The following SHC1 variants were observed in gnomAD, a reference collection of about 807,000 sequenced individuals.
SHC1 encodes the protein SHC adaptor protein 1.
In SHC1, 30 loss-of-function variants were observed where a neutral mutation model predicts 55.9. The ratio of observed to expected loss-of-function variants is 0.54; its 90% CI spans 0.40 to 0.73. SHC1 has a LOEUF of 0.73. SHC1 is among the 30% of genes least tolerant of loss of function. The pLI is 0.00. For synonymous variants in SHC1, 309 were observed against 306.1 expected, an observed-to-expected ratio of 1.01 and a Z score of -0.10; for missense variants, 675 against 777.1, an observed-to-expected ratio of 0.87 and a Z score of 1.56.
chr1:154,965,904 T>G (rs1223169455), intron 10 of SHC1, 42 bp downstream of exon 10: 2 of 1,589,240 alleles, frequency 1.3e-6, no homozygotes, highest in Non-Finnish European at 1.7e-6. Context: ...CAGAACCAAG[T>G]AGAAAGGTGG....
Position 154,964,612 on chromosome 1 carries a change from T to A in SHC1, c.1627-681A>T, listed in dbSNP as rs534046763. ...GATCCTCAGGCCTCAGCCTCCTGGG[T>A]AGGTAGGACTACAGGCATGTGTCAC... On this transcript the variant is annotated intron_variant, in intron 11 of 11. Coordinates refer to ENST00000448116, the MANE Select transcript of SHC1 (RefSeq NM_001130040.2). Among the ~76,000 whole-genome samples the A allele has an allele frequency of 2.0e-4, 30 of 152,124 alleles. No homozygotes were observed. In the South Asian group the frequency reaches 5.4e-3, roughly 27 times the overall value.
rs1042782109 is a variant in SHC1 at position 154,962,649 on chromosome 1, C to G, written c.*1154G>C. 5 of 152,430 alleles carry G rather than the reference C, an allele frequency of 3.3e-5. No individual in the cohort carries two copies. The highest frequency in any genetic ancestry group is 1.2e-4 in the African/African-American group (5 of 41,412). 9.4% of individuals were successfully genotyped at this position (152,430 alleles called of 1,614,324 possible). A position where few individuals can be genotyped will look rare whatever the true frequency, so the allele number is the denominator to read the frequency against. Reference sequence around the variant, plus strand: ...GGTCTCTGGTATAAAAGGTGCGATCCCAGTTACCTCACAGGCCTAGGCGAG... The same window carrying G: ...GGTCTCTGGTATAAAAGGTGCGATCGCAGTTACCTCACAGGCCTAGGCGAG... On this transcript the variant is annotated 3_prime_UTR_variant, in exon 12 of 12. Transcript: ENST00000448116.
chr1:154,967,514 C>G (rs551923702), intron 7 of SHC1, among the ~76,000 whole-genome samples, 157 bp downstream of exon 7: 11 of 152,312 alleles, frequency 7.2e-5, no homozygotes, highest in Admixed American at 5.2e-4. Flanking sequence ...AAAGTCTTTC[C>G]TCCTGGGCCA....
chr1:154,968,213 G>A lies in SHC1; in HGVS notation c.795C>T (p.Gly265=), dbSNP rs1474087585. The change falls in exon 5 of 12, where the codon GGC becomes GGT. Residue 265 remains glycine, a synonymous_variant. Coordinates refer to ENST00000448116, the MANE Select transcript of SHC1 (RefSeq NM_001130040.2). ...CTGTTCCCCAACTCACCGGATCCCC[G>A]CCGGATGCAAATGAGATAGATTGCA... ...HHMQSISFAS[G]GDPDTAEYVA... is the part of the protein sequence containing the mutation. 10 of 1,613,832 alleles carry A rather than the reference G, an allele frequency of 6.2e-6. No individual in the cohort carries two copies. Among genetic ancestry groups the A allele is most frequent in the African/African-American group, 2.7e-5 (2 of 74,864 alleles).
In SHC1 at chr1:154,969,480, G is replaced by T; in HGVS notation, c.496-32C>A. On this transcript the variant is annotated intron_variant, in intron 1 of 11. Coordinates refer to ENST00000448116, the MANE Select transcript of SHC1 (RefSeq NM_001130040.2). ...GGAGGGAGAAGAGGACAGCAGGTCA[G>T]CGGCTCCCCCACCCCAGCCCCTTCA... The T allele has an allele frequency of 2.0e-6, 3 of 1,480,542 alleles. No homozygotes were observed. In the South Asian group the frequency reaches 3.4e-5, roughly 17 times the overall value. 91.7% of individuals were successfully genotyped at this position (1,480,542 alleles called of 1,614,324 possible). A position where few individuals can be genotyped will look rare whatever the true frequency, so the allele number is the denominator to read the frequency against.
At position 154,963,737 on chromosome 1, in the gene SHC1, C is replaced by T; in HGVS notation, c.*66G>A. ...CCACAGAACACTCCCAAACGAGGTC[C>T]CGAGAGTTAGGGAATAGGGTGGAAA... On this transcript the variant is annotated 3_prime_UTR_variant, in exon 12 of 12. Coordinates refer to ENST00000448116, the MANE Select transcript of SHC1 (RefSeq NM_001130040.2). 1.9e-6 allele frequency: 3 copies of T among 1,574,808 alleles called. No homozygotes were observed. The East Asian group carries it at 6.8e-5, about 35-fold the overall frequency.
At chr1:154,968,684 GC>G (rs1656330627) in intron 3 of SHC1, 70 bp from the exon 4 acceptor site, 3 of 1,610,422 alleles carry the variant, frequency 1.9e-6, no homozygotes. Flanking sequence ...TTGCCTCCTG[GC>G]CCTCTCCCCA....
At chr1:154,965,922 G>C in intron 10 of SHC1, 24 bp downstream of exon 10, 1 of 1,598,738 alleles carries the variant, frequency 6.3e-7, no homozygotes, top group Non-Finnish European at 8.5e-7. Flanking sequence ...TGGGGATGCA[G>C]AGAGGAGAGA....
Position 154,966,339 on chromosome 1 carries a change from T to C in SHC1, c.1162A>G (p.Ser388Gly). The change falls in exon 8 of 12, where the codon AGC (serine) becomes GGC (glycine). Residue 388 changes from serine (S) to glycine (G), a missense_variant. This residue lies in a region of SHC1 where 360 missense variants were observed against 371.1 expected (regional missense o/e 0.97). Transcript: ENST00000448116. Reference sequence around the variant, plus strand: ...CTTACCAATGTAGCTCCCAAGTGGCTGGGGGTCTGGGCATTGGGTGCAGTG... The same window carrying C: ...CTTACCAATGTAGCTCCCAAGTGGCCGGGGGTCTGGGCATTGGGTGCAGTG... ...RPTAPNAQTP[S>G]HLGATLPVGQ... 1 of 1,614,002 alleles carries C rather than the reference T, an allele frequency of 6.2e-7. No individual in the cohort carries two copies. Among genetic ancestry groups the C allele is most frequent in the Non-Finnish European group, 8.5e-7 (1 of 1,179,888 alleles).
At position 154,966,226 on chromosome 1, in the gene SHC1, T is replaced by C; in HGVS notation, c.1188A>G (p.Val396=). 1 of 1,614,036 alleles carries C rather than the reference T, an allele frequency of 6.2e-7. No homozygotes were observed. Among genetic ancestry groups the C allele is most frequent in the South Asian group, 1.1e-5 (1 of 91,066 alleles). ...CTGGATCTCCCCCAACAGGCTGTCC[T>C]ACAGGCTGCAGGGATAAAAATAAGG... ...TPSHLGATLP[V]GQPVGGDPEV... Residue 396 remains valine (V), a synonymous_variant, in exon 9 of 12, where the codon GTA becomes GTG. Coordinates refer to ENST00000448116, the MANE Select transcript of SHC1 (RefSeq NM_001130040.2).
upstream of SHC1, chr1:154,970,857 G>A (rs1656672057): frequency 9.4e-6 from 2 of 212,352 alleles, no homozygotes; most frequent in African/African-American, 4.6e-5. The surrounding 1 kb of genome is among the most constrained non-coding windows in gnomAD (Gnocchi z 5.5). Context: ...GGCTCAGAGG[G>A]GCTGAGCCCC....
At chr1:154,969,521 CT>C in intron 1 of SHC1, 73 bp from the exon 2 acceptor site, 1 of 988,190 alleles carries the variant, frequency 1.0e-6, no homozygotes, top group Non-Finnish European at 1.6e-6. Context: ...GGCCCTAGGA[CT>C]TTACCCATAT....
rs1655570587 is a variant in SHC1, at chr1:154,963,800, A to T, written c.*3T>A. The stretch of plus-strand genomic sequence containing the variant: ...ATCTTCTGGAAGAGAGCGCTAGGGC[A>T]GATCACAGTTTCCGCTCCACAGGTT... On this transcript the variant is annotated 3_prime_UTR_variant, in exon 12 of 12. Transcript: ENST00000448116. 1.2e-6 allele frequency: 2 copies of T among 1,613,592 alleles called. No individual in the cohort carries two copies. Among genetic ancestry groups the T allele is most frequent in the African/African-American group, 1.3e-5 (1 of 74,908 alleles).
At chr1:154,969,193 G>C (rs1372943896) in intron 2 of SHC1, among the ~76,000 whole-genome samples, 185 bp downstream of exon 2, 2 of 152,208 alleles carry the variant, frequency 1.3e-5, no homozygotes, top group African/African-American at 4.8e-5. Flanking sequence ...TAGGTAAGGA[G>C]GATCCGGGCC....
chr1:154,972,403 G>A (rs1036449273), upstream of SHC1, among the ~76,000 whole-genome samples: 3 of 152,256 alleles, frequency 2.0e-5, no homozygotes, highest in South Asian at 2.1e-4. Context: ...TCCCCTTAGT[G>A]CTCATTCCAG....
chr1:154,970,366 C>T lies in SHC1; in HGVS notation c.161G>A (p.Ser54Asn). The T allele has an allele frequency of 6.2e-7, 1 of 1,604,558 alleles. No homozygotes were observed. The change falls in exon 1 of 12, where the codon AGT (serine) becomes AAT (asparagine). Residue 54 changes from serine to asparagine, a missense_variant. Coordinates refer to ENST00000448116, the MANE Select transcript of SHC1 (RefSeq NM_001130040.2). The surrounding 1 kb of genome is among the most constrained non-coding windows in gnomAD (Gnocchi z 5.5). ...PILPPLPGDD[S>N]PTTLCSFFPR... ...GAAGAAGGAGCACAGGGTAGTGGGA[C>T]TATCGTCCCCAGGCAGAGGAGGCAG...
upstream of SHC1, among the ~76,000 whole-genome samples, chr1:154,972,487 TAG>T (rs1299567783): frequency 6.6e-6 from 1 of 152,010 alleles, no homozygotes; most frequent in Non-Finnish European, 1.5e-5. Flanking sequence ...CTCTCGGGCA[TAG>T]AGAGAATGAG....
Position 154,966,059 on chromosome 1 carries a change from TC to T in SHC1, c.1273del (p.Asp425IlefsTer10). On this transcript the variant is annotated frameshift_variant, in exon 10 of 12. Coordinates refer to ENST00000448116, the MANE Select transcript of SHC1 (RefSeq NM_001130040.2). LOFTEE classifies it high-confidence loss of function. ...PCPAGRELFD[D>X]PSYVNVQNLD... ...GTTCTGGACGTTGACATAGGAGGGA[TC>T]ATCAAAAAGCTCTCTGCCTGCTGAG... is the stretch of plus-strand genomic sequence containing the variant. 1 of 1,613,902 alleles carries T rather than the reference TC, an allele frequency of 6.2e-7. No homozygotes were observed. Among genetic ancestry groups the T allele is most frequent in the Non-Finnish European group, 8.5e-7 (1 of 1,179,946 alleles).
chr1:154,970,383 A>G lies in SHC1; in HGVS notation c.144T>C (p.Pro48=), dbSNP rs539861855. The G allele has an allele frequency of 1.2e-6, 2 of 1,603,434 alleles. No individual in the cohort carries two copies. Among genetic ancestry groups the G allele is most frequent in the Admixed American group, 1.7e-5 (1 of 58,700 alleles). Residue 48 remains proline, a synonymous_variant, in exon 1 of 12, where the codon CCT becomes CCC. Transcript: ENST00000448116. This position sits in a 1 kb window ranked among gnomAD's most constrained non-coding sequence, Gnocchi z 5.5. ...TAGTGGGACTATCGTCCCCAGGCAG[A>G]GGAGGCAGGATGGGCCCCAGGGATG... ...SASSLGPILP[P]LPGDDSPTTL... is the part of the protein sequence containing the mutation.
Sources: gnomAD v4.1 joint callset for allele counts (sites outside exome capture counted in the v4.1 genomes callset) on GRCh38, gnomAD v4.1.1 for gene constraint, gnomAD v4.1.1 regional missense constraint, Gnocchi (gnomAD v3.1) non-coding constraint, MANE v1.5 for transcripts, NCBI Gene and HGNC (gene_info 2026-07-23, HGNC 2026-07-21) for gene names.